The following GPC5 variants were observed in gnomAD, a reference collection of about 807,000 sequenced individuals.
GPC5 encodes the protein glypican 5, also known as glypican-5.
In GPC5, 47 loss-of-function variants were observed where a neutral mutation model predicts 53.9. The ratio of observed to expected loss-of-function variants is 0.87; its 90% CI spans 0.69 to 1.11. The LOEUF is 1.11. Among genes scored for constraint, GPC5 ranks in the 50% most tolerant of loss-of-function variants. GPC5 has a pLI of 0.00. For missense variants in GPC5, 748 were observed against 713.1 expected, an observed-to-expected ratio of 1.05 and a Z score of -0.56; for synonymous variants, 286 against 263.3, an observed-to-expected ratio of 1.09 and a Z score of -0.84.
chr13:92,186,164 A>C (rs2042182511), intron 7 of GPC5, among the ~76,000 whole-genome samples: 1 of 152,028 alleles, frequency 6.6e-6, no homozygotes, highest in Admixed American at 6.6e-5. Context: ...CTTTTAACAA[A>C]AGCATTCTGG....
intron 1 of GPC5, among the ~76,000 whole-genome samples, chr13:91,433,836 A>G (rs1160400753): frequency 1.3e-5 from 2 of 151,842 alleles, no homozygotes; most frequent in East Asian, 1.9e-4. Context: ...AAGTGTTCCT[A>G]TTTCTCCACA....
At chr13:91,655,811 C>T (rs2034831705) in intron 2 of GPC5, among the ~76,000 whole-genome samples, 2 of 151,978 alleles carry the variant, frequency 1.3e-5, no homozygotes, top group Non-Finnish European at 2.9e-5. Flanking sequence ...GAGTCAATTG[C>T]CAAATGTAGA....
intron 7 of GPC5, among the ~76,000 whole-genome samples, chr13:92,621,435 A>G (rs1245274294): frequency 6.6e-6 from 1 of 152,002 alleles, no homozygotes; most frequent in Non-Finnish European, 1.5e-5. Flanking sequence ...ATTCAACCAT[A>G]TTTTTTCTGC....
At chr13:91,476,761 C>A (rs1029718384) in intron 2 of GPC5, among the ~76,000 whole-genome samples, 6 of 152,076 alleles carry the variant, frequency 3.9e-5, no homozygotes, top group African/African-American at 1.4e-4. Flanking sequence ...GGTAATTAAC[C>A]AGATGAAGGA....
At chr13:92,781,142 C>T (rs571932793) in intron 7 of GPC5, among the ~76,000 whole-genome samples, 33 of 152,134 alleles carry the variant, frequency 2.2e-4, no homozygotes, top group Admixed American at 1.4e-3. Flanking sequence ...CAAAATTAAA[C>T]GTTCCTTATA....
chr13:92,766,185 A>G (rs1875397335), intron 7 of GPC5, among the ~76,000 whole-genome samples: 2 of 152,252 alleles, frequency 1.3e-5, no homozygotes, highest in East Asian at 3.9e-4. Context: ...ACCTGCACCA[A>G]TGCTAAAGTT....
rs566996831 is a variant in GPC5, at chr13:91,816,144, T to C, written c.1280+59724T>C. Among the ~76,000 whole-genome samples the C allele has an allele frequency of 5.3e-5, 8 of 152,318 alleles. No individual in the cohort carries two copies. In the East Asian group the frequency reaches 5.8e-4, roughly 11 times the overall value. On this transcript the variant is annotated intron_variant, in intron 5 of 7. Coordinates refer to ENST00000377067, the MANE Select transcript of GPC5 (RefSeq NM_004466.6). ...TCATTTAATAAATATTTAATGATGA[T>C]TTACTGTGTGTAATTTATTTGCGTG...
chr13:91,814,110 T>G (rs2038362182), intron 5 of GPC5, among the ~76,000 whole-genome samples: 1 of 151,896 alleles, frequency 6.6e-6, no homozygotes, highest in Non-Finnish European at 1.5e-5. Flanking sequence ...TTTTTTGTAT[T>G]TTTAGTAGAG....
chr13:91,425,083 A>T (rs1174093362), intron 1 of GPC5, among the ~76,000 whole-genome samples: 2 of 152,188 alleles, frequency 1.3e-5, no homozygotes, highest in African/African-American at 4.8e-5. Context: ...TTTATTTTTC[A>T]TTTAAAATGG....
intron 2 of GPC5, among the ~76,000 whole-genome samples, chr13:91,476,431 T>G (rs1882932302): frequency 6.6e-6 from 1 of 152,198 alleles, no homozygotes; most frequent in African/African-American, 2.4e-5. Context: ...CCAAATATCC[T>G]TCTTACATGT....
intron 6 of GPC5, among the ~76,000 whole-genome samples, chr13:92,136,817 CAGTT>C (rs1281142866): frequency 6.6e-6 from 1 of 152,190 alleles, no homozygotes; most frequent in African/African-American, 2.4e-5. Context: ...TATTGCCAGA[CAGTT>C]AGTAAAAAGC....
chr13:91,808,645 A>C (rs2038261314), intron 5 of GPC5, among the ~76,000 whole-genome samples: 2 of 152,176 alleles, frequency 1.3e-5, no homozygotes, highest in Admixed American at 6.6e-5. Flanking sequence ...CCTGCCCATG[A>C]GACTTTGCAA....
intron 7 of GPC5, among the ~76,000 whole-genome samples, chr13:92,245,932 C>G (rs2042647352): frequency 6.6e-6 from 1 of 151,636 alleles, no homozygotes; most frequent in African/African-American, 2.4e-5. Context: ...TTTGAATATT[C>G]TTATGAATAG....
chr13:92,282,106 G>A (rs973006769), intron 7 of GPC5, among the ~76,000 whole-genome samples: 1 of 152,212 alleles, frequency 6.6e-6, no homozygotes, highest in African/African-American at 2.4e-5. Context: ...GAATGCACAA[G>A]CTTCAGTAGC....
At chr13:92,053,805 G>A (rs1208466772) in intron 6 of GPC5, among the ~76,000 whole-genome samples, 4 of 151,938 alleles carry the variant, frequency 2.6e-5, no homozygotes, top group African/African-American at 9.7e-5. Context: ...CGAGGTGGGC[G>A]GATCACCTGA....
intron 7 of GPC5, among the ~76,000 whole-genome samples, chr13:92,611,352 T>C (rs1257925716): frequency 6.6e-6 from 1 of 152,178 alleles, no homozygotes; most frequent in Non-Finnish European, 1.5e-5. Context: ...ATCAGGCATC[T>C]TCCATACTTT....
intron 6 of GPC5, among the ~76,000 whole-genome samples, chr13:92,005,348 C>T (rs2040596734): frequency 6.6e-6 from 1 of 152,104 alleles, no homozygotes; most frequent in Non-Finnish European, 1.5e-5. Context: ...GCTGAAAACT[C>T]ACTCTGCCAC....
At chr13:91,436,718 C>T (rs1157206335) in intron 1 of GPC5, among the ~76,000 whole-genome samples, 1 of 152,132 alleles carries the variant, frequency 6.6e-6, no homozygotes, top group Non-Finnish European at 1.5e-5. Flanking sequence ...TGGTGCAGAG[C>T]TGAGTTCAGT....
chr13:91,978,370 A>G (rs1184301590), intron 6 of GPC5, among the ~76,000 whole-genome samples: 1 of 152,246 alleles, frequency 6.6e-6, no homozygotes, highest in African/African-American at 2.4e-5. Context: ...CACCTAGAAT[A>G]TAGGCTCCAC....
Sources: gnomAD v4.1 joint callset for allele counts (sites outside exome capture counted in the v4.1 genomes callset) on GRCh38, gnomAD v4.1.1 for gene constraint, MANE v1.5 for transcripts, NCBI Gene and HGNC (gene_info 2026-07-23, HGNC 2026-07-21) for gene names.